The following TRAIP variants were observed in gnomAD, a reference collection of about 807,000 sequenced individuals.
TRAIP encodes TRAF interacting protein.
In TRAIP, 37 loss-of-function variants were observed where a neutral mutation model predicts 65.0. That is an observed-to-expected ratio of 0.57 (90% CI 0.44 to 0.75). TRAIP has a LOEUF of 0.75. Among genes scored for constraint, TRAIP ranks in the 30% least tolerant of loss-of-function variants. The probability of loss-of-function intolerance (pLI) is 0.00; values close to 1 mark genes in which losing one functional copy is unlikely to be tolerated. For synonymous variants in TRAIP, 187 were observed against 219.1 expected (o/e 0.85, Z 1.29); for missense variants, 481 against 579.4 (o/e 0.83, Z 1.74).
At chr3:49,834,750 C>T (rs1194276081) in intron 10 of TRAIP, among the ~76,000 whole-genome samples, 1 of 152,160 alleles carries the variant, frequency 6.6e-6, no homozygotes, top group Non-Finnish European at 1.5e-5. Flanking sequence ...TCCAAAGTAG[C>T]CAAGGACCAC....
At chr3:49,843,656 G>C (rs1316593095) in intron 5 of TRAIP, 145 bp downstream of exon 5, 1 of 1,094,372 alleles carries the variant, frequency 9.1e-7, no homozygotes, top group African/African-American at 1.6e-5. Flanking sequence ...AGGGCAAGGG[G>C]AAGAAGTGAT....
chr3:49,851,816 C>T (rs1228282801), intron 1 of TRAIP, among the ~76,000 whole-genome samples: 5 of 151,850 alleles, frequency 3.3e-5, no homozygotes. Flanking sequence ...CCTGCCTCAG[C>T]CTTCCAAGTA....
intron 1 of TRAIP, among the ~76,000 whole-genome samples, chr3:49,851,888 G>A (rs1182171885): frequency 3.3e-5 from 5 of 149,456 alleles, no homozygotes; most frequent in Non-Finnish European, 5.9e-5. Context: ...TAGTAAAGAC[G>A]GGGTTTCACC....
chr3:49,831,689 G>A lies in TRAIP; in HGVS notation c.1037+227C>T, dbSNP rs551716593. On this transcript the variant is annotated intron_variant, in intron 11 of 14. Transcript: ENST00000331456. ...TTCTCTCTAACTTGCATTCCAATACGTTTGCCTTGAAAGGTGATGGTGAGG... is the reference window on the plus strand; with the variant it reads ...TTCTCTCTAACTTGCATTCCAATACATTTGCCTTGAAAGGTGATGGTGAGG... Among the ~76,000 whole-genome samples the A allele has an allele frequency of 1.7e-4, 26 of 152,342 alleles. 1 individual carries two copies. In the South Asian group the frequency reaches 3.3e-3, roughly 19 times the overall value.
At chr3:49,850,118 A>G (rs2081918354) in intron 1 of TRAIP, among the ~76,000 whole-genome samples, 1 of 152,128 alleles carries the variant, frequency 6.6e-6, no homozygotes, top group Non-Finnish European at 1.5e-5. Flanking sequence ...GCTAAGAACA[A>G]TATTATGAAT....
At chr3:49,844,171 C>T (rs931362939) in intron 4 of TRAIP, among the ~76,000 whole-genome samples, 9 of 152,156 alleles carry the variant, frequency 5.9e-5, no homozygotes, top group African/African-American at 1.7e-4. Flanking sequence ...TATTTTACTG[C>T]CCATTCCCTA....
At chr3:49,839,714 C>T (rs1161701038) in intron 10 of TRAIP, 58 bp downstream of exon 10, 6 of 1,495,972 alleles carry the variant, frequency 4.0e-6, no homozygotes, top group Non-Finnish European at 5.6e-6. Flanking sequence ...GGAGTAAAGA[C>T]TGTTACCAGA....
In TRAIP at chr3:49,832,021, C is replaced by T. The variant is rs201338202; in HGVS notation, c.932G>A (p.Arg311His). 6.0e-5 allele frequency: 97 copies of T among 1,606,158 alleles called. No homozygotes were observed. The highest frequency in any genetic ancestry group is 3.3e-4 in the Middle Eastern group (2 of 6,022). ...VNLKLRRPSF[R>H]DDIDLNATFD... ...GGTAGCATTGAGATCAATATCATCA[C>T]GGAAGGATGGCCGGCGGAGCTTCAG... The change falls in exon 11 of 15, where the codon CGT (arginine) becomes CAT (histidine). Residue 311 changes from arginine to histidine, a missense_variant. Coordinates refer to ENST00000331456, the MANE Select transcript of TRAIP (RefSeq NM_005879.3).
rs894377709 is a variant in TRAIP at position 49,830,132 on chromosome 3, T to C, written c.1038-64A>G. ...AGACATGGGGGCAGGTGAACCAGGC[T>C]CAGCACACGCCCCTTGGGGAGTTAC... On this transcript the variant is annotated intron_variant, in intron 11 of 14. Coordinates refer to ENST00000331456, the MANE Select transcript of TRAIP (RefSeq NM_005879.3). 2.6e-6 allele frequency: 4 copies of C among 1,558,494 alleles called. No individual in the cohort carries two copies. The African/African-American group carries it at 5.4e-5, about 21-fold the overall frequency.
intron 12 of TRAIP, 38 bp downstream of exon 12, chr3:49,829,982 C>T (rs758578311): frequency 1.5e-5 from 25 of 1,613,594 alleles, no homozygotes; most frequent in Non-Finnish European, 2.0e-5. Flanking sequence ...TCCAGTCCTG[C>T]CAAAGGTTAG....
intron 1 of TRAIP, among the ~76,000 whole-genome samples, chr3:49,854,527 G>T (rs546098595): frequency 3.9e-5 from 6 of 151,980 alleles, no homozygotes; most frequent in Non-Finnish European, 7.4e-5. Context: ...ATGGAAATGG[G>T]GTATATAACG....
At chr3:49,851,846 G>A (rs1406789001) in intron 1 of TRAIP, among the ~76,000 whole-genome samples, 3 of 151,436 alleles carry the variant, frequency 2.0e-5, no homozygotes, top group Non-Finnish European at 2.9e-5. Context: ...AGAGGCGCCC[G>A]CCACCATGCC....
chr3:49,833,549 G>A (rs531426400), intron 10 of TRAIP, among the ~76,000 whole-genome samples: 2 of 150,632 alleles, frequency 1.3e-5, no homozygotes, highest in Non-Finnish European at 1.5e-5. Context: ...GTGCGATCTC[G>A]GCTCACTGCA....
At chr3:49,832,298 C>T (rs1267677625) in intron 10 of TRAIP, among the ~76,000 whole-genome samples, 2 of 152,016 alleles carry the variant, frequency 1.3e-5, no homozygotes, top group East Asian at 1.9e-4. Context: ...CAAGACCACC[C>T]GGGCTAACAT....
chr3:49,833,511 G>C (rs2081753808), intron 10 of TRAIP, among the ~76,000 whole-genome samples: 1 of 142,428 alleles, frequency 7.0e-6, no homozygotes, highest in African/African-American at 2.7e-5. Context: ...ACGGAATCTT[G>C]CTCTGTCACC....
At chr3:49,834,001 T>C (rs1453643643) in intron 10 of TRAIP, among the ~76,000 whole-genome samples, 4 of 152,164 alleles carry the variant, frequency 2.6e-5, no homozygotes, top group Non-Finnish European at 5.9e-5. Context: ...GTTACAGGGC[T>C]TCATGCCAGA....
Position 49,848,036 on chromosome 3 carries a change from G to T in TRAIP, c.156+107C>A. ...GGCTCAACTGGCCTTAAACCAGGAG[G>T]GTCCAAAAAAGGTCAGAGATATTGC... On this transcript the variant is annotated intron_variant, in intron 2 of 14. Transcript: ENST00000331456. 2.3e-6 allele frequency: 3 copies of T among 1,291,962 alleles called. No homozygotes were observed. The South Asian group carries it at 3.8e-5, about 17-fold the overall frequency. The allele number at this position is 1,291,962 out of a possible 1,614,324, so 80.0% of individuals were successfully genotyped here. A position where few individuals can be genotyped will look rare whatever the true frequency, so the allele number is the denominator to read the frequency against.
intron 4 of TRAIP, 102 bp from the exon 5 acceptor site, chr3:49,844,030 A>C: frequency 6.8e-7 from 1 of 1,474,792 alleles, no homozygotes; most frequent in Non-Finnish European, 9.1e-7. Flanking sequence ...TAGGCAGGTG[A>C]GAAACAAGGC....
chr3:49,834,065 A>G (rs2081760001), intron 10 of TRAIP, among the ~76,000 whole-genome samples: 5 of 152,152 alleles, frequency 3.3e-5, no homozygotes, highest in Admixed American at 3.3e-4. Flanking sequence ...GAACAGAGCT[A>G]AGGCCTTGAG....
Sources: gnomAD v4.1 joint callset for allele counts (sites outside exome capture counted in the v4.1 genomes callset) on GRCh38, gnomAD v4.1.1 for gene constraint, MANE v1.5 for transcripts, NCBI Gene and HGNC (gene_info 2026-07-23, HGNC 2026-07-21) for gene names.